HMGCS2: variants seen among roughly 807,000 people sequenced by gnomAD.
The protein encoded by HMGCS2 is 3-hydroxy-3-methylglutaryl-CoA synthase 2.
Under a neutral mutation model 57.4 loss-of-function variants are expected in HMGCS2, and 50 were observed. The observed-to-expected ratio is 0.87, with a 90% CI of 0.69 to 1.10. HMGCS2 has a LOEUF of 1.10. Ranked by LOEUF, HMGCS2 falls within the 50% of genes least tolerant of loss-of-function variation. The pLI, the probability that HMGCS2 is intolerant of heterozygous loss-of-function variation, is 0.00. For synonymous variants in HMGCS2, 254 were observed against 245.1 expected, an observed-to-expected ratio of 1.04 and a Z score of -0.34; for missense variants, 627 against 636.5, an observed-to-expected ratio of 0.99 and a Z score of 0.16.
rs763443637 is a variant in HMGCS2 at position 119,753,386 on chromosome 1, G to C, written c.1188C>G (p.His396Gln). The C allele has an allele frequency of 3.2e-6, 5 of 1,546,880 alleles. No homozygotes were observed. The highest frequency in any genetic ancestry group is 1.4e-5 in the African/African-American group (1 of 73,044). The change falls in exon 7 of 10, where the codon CAC (histidine) becomes CAG (glutamine). Residue 396 changes from histidine to glutamine, a missense_variant and splice_region_variant. Coordinates refer to ENST00000369406, the MANE Select transcript of HMGCS2 (RefSeq NM_005518.4). ...AGCCAGCCAGTTCTTGGGCAGAGTG[G>C]CTGTGGGGAAAGAAATCAAATAAAA... ...LYGCLASLLS[H>Q]HSAQELAGSR...
intron 3 of HMGCS2, 54 bp downstream of exon 3, chr1:119,759,810 T>C: frequency 1.2e-6 from 2 of 1,607,762 alleles, no homozygotes; most frequent in South Asian, 1.1e-5. Context: ...GGGATTAGGA[T>C]CTATGTTCTT....
At chr1:119,751,275 A>C (rs981169222) in intron 8 of HMGCS2, among the ~76,000 whole-genome samples, 1 of 152,186 alleles carries the variant, frequency 6.6e-6, no homozygotes, top group East Asian at 1.9e-4. Context: ...ACGTCCTTCT[A>C]AACTCTAAAT....
At position 119,755,913 on chromosome 1, in the gene HMGCS2, T is replaced by A. The variant is rs71577113; in HGVS notation, c.1017-316A>T. Among the ~76,000 whole-genome samples, 1,161 of 23,564 alleles carry A rather than the reference T, an allele frequency of 0.049. 10 individuals carry two copies. Among genetic ancestry groups the A allele is most frequent in the African/African-American group, 0.094 (987 of 10,550 alleles). The allele number at this position is 23,564 out of a possible 152,430, so 15.5% of individuals were successfully genotyped here. On this transcript the variant is annotated intron_variant, in intron 5 of 9. Coordinates refer to ENST00000369406, the MANE Select transcript of HMGCS2 (RefSeq NM_005518.4). ...TGTGTGTGTGTATATATATATATAT[T>A]TTTTTTCCATGACATTCTATAACAT...
chr1:119,768,397 T>C (rs587665268), intron 1 of HMGCS2, among the ~76,000 whole-genome samples: 3 of 152,292 alleles, frequency 2.0e-5, no homozygotes, highest in South Asian at 4.1e-4. Context: ...GGTCCTGTGG[T>C]TCTAGGCAGA....
At chr1:119,750,705 C>T (rs1652625288) in intron 9 of HMGCS2, 92 bp downstream of exon 9, 1 of 795,710 alleles carries the variant, frequency 1.3e-6, no homozygotes, top group Admixed American at 1.9e-5. Flanking sequence ...ACTTTCTTCT[C>T]CCTGCACCTG....
rs1571042209 is a variant in HMGCS2, at chr1:119,764,302, T to C, written c.429A>G (p.Thr143=). 1.9e-6 allele frequency: 3 copies of C among 1,614,254 alleles called. No homozygotes were observed. Among genetic ancestry groups the C allele is most frequent in the Non-Finnish European group, 2.5e-6 (3 of 1,180,052 alleles). Residue 143 remains threonine, a synonymous_variant, in exon 2 of 10, where the codon ACA becomes ACG. Transcript: ENST00000369406. ...AATCCTGGAAGAGTTCCATGAGCAC[T>C]GTTTTGACAGCTTTGGACTTGTCAA... ...TIIDKSKAVK[T]VLMELFQDSG...
chr1:119,751,009 C>CT (rs1652640455), intron 8 of HMGCS2, 101 bp from the exon 9 acceptor site: 2 of 758,884 alleles, frequency 2.6e-6, no homozygotes, highest in Non-Finnish European at 4.6e-6. Flanking sequence ...GTGAAGCTCT[C>CT]TTGGCTGGGC....
chr1:119,755,669 C>T (rs1376228991), intron 5 of HMGCS2, 72 bp from the exon 6 acceptor site: 1 of 1,429,020 alleles, frequency 7.0e-7, no homozygotes, highest in Non-Finnish European at 9.9e-7. Context: ...GGAAAAGTAA[C>T]AGCTTCTGGA....
At chr1:119,750,229 A>T (rs1461999034) in intron 9 of HMGCS2, among the ~76,000 whole-genome samples, 1 of 152,198 alleles carries the variant, frequency 6.6e-6, no homozygotes, top group Non-Finnish European at 1.5e-5. Context: ...TCTCCCACAC[A>T]TTGGTGTGTA....
intron 2 of HMGCS2, 94 bp downstream of exon 2, chr1:119,764,078 G>A: frequency 9.5e-7 from 1 of 1,049,796 alleles, no homozygotes; most frequent in Non-Finnish European, 1.5e-6. Flanking sequence ...TCCTTCACTA[G>A]ATGAAGCCAC....
At chr1:119,762,215 C>T (rs1653070255) in intron 2 of HMGCS2, among the ~76,000 whole-genome samples, 1 of 152,080 alleles carries the variant, frequency 6.6e-6, no homozygotes, top group Admixed American at 6.6e-5. Flanking sequence ...TATGTTGATA[C>T]AGAATTACCT....
At chr1:119,764,863 T>C (rs1002412524) in intron 1 of HMGCS2, among the ~76,000 whole-genome samples, 4 of 152,246 alleles carry the variant, frequency 2.6e-5, no homozygotes, top group Non-Finnish European at 5.9e-5. Flanking sequence ...GACGTCGATA[T>C]AGCTACACTA....
intron 2 of HMGCS2, 32 bp downstream of exon 2, chr1:119,764,140 C>G (rs1653129178): frequency 6.2e-7 from 1 of 1,601,394 alleles, no homozygotes; most frequent in East Asian, 2.2e-5. Flanking sequence ...ATTCCAGCAC[C>G]TTTCTTACAT....
At chr1:119,759,566 A>G (rs1394006071) in intron 3 of HMGCS2, among the ~76,000 whole-genome samples, 1 of 152,228 alleles carries the variant, frequency 6.6e-6, no homozygotes, top group African/African-American at 2.4e-5. Flanking sequence ...ATCCAGTTAT[A>G]TATTTTAATC....
At chr1:119,758,881 G>A (rs1338251240) in intron 4 of HMGCS2, among the ~76,000 whole-genome samples, 1 of 152,082 alleles carries the variant, frequency 6.6e-6, no homozygotes. Context: ...GCCTTGCCCT[G>A]GATTATTTAC....
intron 2 of HMGCS2, among the ~76,000 whole-genome samples, chr1:119,761,584 T>C (rs1653040811): frequency 6.6e-6 from 1 of 151,782 alleles, no homozygotes; most frequent in Non-Finnish European, 1.5e-5. Context: ...GCTAACACGG[T>C]GAAATCCCAT....
Position 119,759,760 on chromosome 1 carries a change from A to G in HMGCS2, c.685+104T>C, listed in dbSNP as rs143355534. 9 of 1,417,568 alleles carry G rather than the reference A, an allele frequency of 6.3e-6. No homozygotes were observed. The African/African-American group carries it at 1.3e-4, about 20-fold the overall frequency. The allele number at this position is 1,417,568 out of a possible 1,614,324, so 87.8% of individuals were successfully genotyped here. On this transcript the variant is annotated intron_variant, in intron 3 of 9. Transcript: ENST00000369406. Reference sequence around the variant, plus strand: ...TTTAGAGGCAAGCAATACCATCCTCAAACGCATACCTCAGCCCTGAGTAGC... The same window carrying G: ...TTTAGAGGCAAGCAATACCATCCTCGAACGCATACCTCAGCCCTGAGTAGC...
At position 119,768,747 on chromosome 1, in the gene HMGCS2, T is replaced by A. The variant is rs759183803; in HGVS notation, c.98A>T (p.His33Leu). The change falls in exon 1 of 10, where the codon CAC (histidine) becomes CTC (leucine). Residue 33 changes from histidine to leucine, a missense_variant. Physicochemically the swap from His to Leu is moderately conservative, Grantham distance 99 (BLOSUM62 -3). Transcript: ENST00000369406. The stretch of plus-strand genomic sequence containing the variant: ...TTCTCAGAAAGTGACTCACCTTTGG[T>A]GGGCTACTGGGAGCAGGCGAGCAGG... The part of the protein sequence containing the change: ...LTPARLLPVA[H>L]QRFSTASAVP... The A allele has an allele frequency of 1.9e-6, 3 of 1,611,580 alleles. No homozygotes were observed. The South Asian group carries it at 3.3e-5, about 18-fold the overall frequency.
At chr1:119,760,915 C>A (rs1653015610) in intron 2 of HMGCS2, among the ~76,000 whole-genome samples, 1 of 151,892 alleles carries the variant, frequency 6.6e-6, no homozygotes, top group Non-Finnish European at 1.5e-5. Flanking sequence ...AAGCCACTTG[C>A]CCAAAAACCA....
Sources: gnomAD v4.1 joint callset for allele counts (sites outside exome capture counted in the v4.1 genomes callset) on GRCh38, gnomAD v4.1.1 for gene constraint, MANE v1.5 for transcripts, NCBI Gene and HGNC (gene_info 2026-07-23, HGNC 2026-07-21) for gene names.